SETBP1: variants seen among roughly 807,000 people sequenced by gnomAD.
SETBP1 encodes SET binding protein 1.
Under a neutral mutation model 101.0 loss-of-function variants are expected in SETBP1, and 9 were observed. The ratio of observed to expected loss-of-function variants is 0.09; its 90% CI spans 0.05 to 0.16. The LOEUF (loss-of-function observed/expected upper bound fraction) is 0.16, where lower values mean the gene tolerates loss of function less well. SETBP1 is among the 10% of genes least tolerant of loss of function. The pLI, the probability that SETBP1 is intolerant of heterozygous loss-of-function variation, is 1.00. For synonymous variants in SETBP1, 818 were observed against 788.5 expected, an observed-to-expected ratio of 1.04 and a Z score of -0.63; for missense variants, 1,858 against 2,033.8, an observed-to-expected ratio of 0.91 and a Z score of 1.66.
chr18:44,759,377 A>T (rs927365889), intron 2 of SETBP1, among the ~76,000 whole-genome samples: 1 of 152,228 alleles, frequency 6.6e-6, no homozygotes, highest in African/African-American at 2.4e-5. Flanking sequence ...CATGTAAAGC[A>T]TAATCCCTCC....
chr18:44,904,255 A>G (rs1362237580), intron 3 of SETBP1, among the ~76,000 whole-genome samples: 1 of 152,178 alleles, frequency 6.6e-6, no homozygotes, highest in Non-Finnish European at 1.5e-5. Flanking sequence ...TTTTTTGTTT[A>G]TGCATAAGAT....
chr18:44,872,062 C>T (rs1301827633), intron 3 of SETBP1: 1 of 152,250 alleles, frequency 6.6e-6, no homozygotes, highest in Non-Finnish European at 1.5e-5. Flanking sequence ...AACAGACACA[C>T]TTGAGTACCC....
chr18:44,863,597 GA>G, intron 2 of SETBP1, among the ~76,000 whole-genome samples: 1 of 152,172 alleles, frequency 6.6e-6, no homozygotes, highest in Non-Finnish European at 1.5e-5. Context: ...TAAAGAGGGA[GA>G]AAAAGATTCA....
intron 2 of SETBP1, among the ~76,000 whole-genome samples, chr18:44,782,375 G>A (rs2071149743): frequency 6.6e-6 from 1 of 151,814 alleles, no homozygotes; most frequent in Non-Finnish European, 1.5e-5. Context: ...TGGTTTTGGG[G>A]AAAAATATAG....
intron 2 of SETBP1, among the ~76,000 whole-genome samples, chr18:44,715,048 G>C (rs991461875): frequency 1.3e-5 from 2 of 152,122 alleles, no homozygotes; most frequent in South Asian, 2.1e-4. Context: ...GGTGGGGTGG[G>C]GGGTGTTTGG....
At chr18:45,004,665 G>T (rs2072687686) in intron 4 of SETBP1, among the ~76,000 whole-genome samples, 1 of 152,214 alleles carries the variant, frequency 6.6e-6, no homozygotes, top group Non-Finnish European at 1.5e-5. Flanking sequence ...TAGGCAGAGA[G>T]TGTGGCAGCC....
chr18:44,969,363 C>A (rs1423994722), intron 4 of SETBP1, among the ~76,000 whole-genome samples: 1 of 152,132 alleles, frequency 6.6e-6, no homozygotes, highest in Non-Finnish European at 1.5e-5. Flanking sequence ...GAAGAAAAAG[C>A]CCTCAGTTAT....
intron 3 of SETBP1, among the ~76,000 whole-genome samples, chr18:44,927,920 T>A (rs2070740712): frequency 2.0e-5 from 3 of 152,184 alleles, no homozygotes; most frequent in African/African-American, 7.2e-5. Context: ...TTCCAATGTG[T>A]TCTGTGATGA....
At chr18:44,885,112 T>A (rs1245913827) in intron 3 of SETBP1, among the ~76,000 whole-genome samples, 1 of 152,146 alleles carries the variant, frequency 6.6e-6, no homozygotes, top group East Asian at 1.9e-4. Flanking sequence ...ACCTTAGATT[T>A]TCATGATATC....
At chr18:45,055,407 C>G (rs1022416742) in intron 5 of SETBP1, among the ~76,000 whole-genome samples, 3 of 152,088 alleles carry the variant, frequency 2.0e-5, no homozygotes, top group African/African-American at 4.8e-5. Context: ...ACATTATATT[C>G]TTAAAATTAT....
chr18:44,864,712 C>G (rs1214768742), intron 2 of SETBP1, among the ~76,000 whole-genome samples: 2 of 152,114 alleles, frequency 1.3e-5, no homozygotes, highest in African/African-American at 2.4e-5. Context: ...TCTCGACCCT[C>G]TAGCTGGGAG....
chr18:44,715,082 G>C (rs933098186), intron 2 of SETBP1, among the ~76,000 whole-genome samples: 6 of 152,208 alleles, frequency 3.9e-5, no homozygotes, highest in Admixed American at 1.3e-4. Flanking sequence ...AGGTCTCCTG[G>C]TTTCCAGCAG....
chr18:44,728,085 T>A (rs1277093914), intron 2 of SETBP1, among the ~76,000 whole-genome samples: 1 of 152,238 alleles, frequency 6.6e-6, no homozygotes, highest in African/African-American at 2.4e-5. Flanking sequence ...TCTTCTCTCA[T>A]TTAAGACTCA....
intron 4 of SETBP1, among the ~76,000 whole-genome samples, chr18:45,014,315 T>C (rs34233878): frequency 0.08 from 12,114 of 152,180 alleles, 658 homozygotes; most frequent in East Asian, 0.21. Flanking sequence ...GCCACAGACT[T>C]CCTCTAGCTC....
At chr18:44,948,299 G>A (rs1158658990) in intron 3 of SETBP1, among the ~76,000 whole-genome samples, 3 of 152,110 alleles carry the variant, frequency 2.0e-5, no homozygotes. Context: ...AAATCAGAGA[G>A]GCAGGAAATA....
At chr18:44,977,000 G>T (rs567983749) in intron 4 of SETBP1, among the ~76,000 whole-genome samples, 8 of 152,186 alleles carry the variant, frequency 5.3e-5, no homozygotes, top group African/African-American at 1.4e-4. Flanking sequence ...AGGATTGAAA[G>T]AGTTGATATA....
chr18:44,769,174 C>T (rs1303038571), intron 2 of SETBP1, among the ~76,000 whole-genome samples: 1 of 152,200 alleles, frequency 6.6e-6, no homozygotes. Context: ...ATTCAAGGGT[C>T]CCAGCAGTTG....
chr18:44,983,590 T>C (rs1230826736), intron 4 of SETBP1, among the ~76,000 whole-genome samples: 1 of 152,172 alleles, frequency 6.6e-6, no homozygotes, highest in Non-Finnish European at 1.5e-5. Context: ...AAGTCTCATT[T>C]TCAGTCCCTC....
In SETBP1 at chr18:44,738,735, C is replaced by G. The variant is rs1212670277; in HGVS notation, c.486+36903C>G. Among the ~76,000 whole-genome samples, 3 of 146,728 alleles carry G rather than the reference C, an allele frequency of 2.0e-5. No homozygotes were observed. In the East Asian group the frequency reaches 6.0e-4, roughly 30 times the overall value. ...GTTGCAGTGAGCCAAGATCATGCCA[C>G]TGCACTCCAGCCTGGGTGACAGAGC... On this transcript the variant is annotated intron_variant, in intron 2 of 5. Transcript: ENST00000649279.
Sources: allele counts gnomAD v4.1 joint callset (sites outside exome capture counted in the v4.1 genomes callset), GRCh38; gene constraint gnomAD v4.1.1; transcripts MANE v1.5; gene names NCBI Gene and HGNC (gene_info 2026-07-23, HGNC 2026-07-21).